CSMD1: variants seen among roughly 807,000 people sequenced by gnomAD.
The protein encoded by CSMD1 is CUB and Sushi multiple domains 1, also known as CUB and sushi domain-containing protein 1.
Under a neutral mutation model 417.5 loss-of-function variants are expected in CSMD1, and 213 were observed. The observed-to-expected ratio is 0.51, with a 90% CI of 0.46 to 0.57. CSMD1 has a LOEUF of 0.57. Among genes scored for constraint, CSMD1 ranks in the 20% least tolerant of loss-of-function variants. CSMD1 has a pLI of 0.00. For missense variants in CSMD1, 6,923 were observed against 4,529.7 expected, an observed-to-expected ratio of 1.53 and a Z score of -15.17; for synonymous variants, 2,862 against 1,736.8, an observed-to-expected ratio of 1.65 and a Z score of -16.11.
intron 3 of CSMD1, among the ~76,000 whole-genome samples, chr8:4,082,571 T>C (rs1021928584): frequency 7.2e-5 from 11 of 152,052 alleles, no homozygotes; most frequent in African/African-American, 2.2e-4. Context: ...CCCCGCTTCA[T>C]TATGAGCCTA....
At chr8:4,515,458 T>C (rs1276865958) in intron 2 of CSMD1, among the ~76,000 whole-genome samples, 1 of 152,164 alleles carries the variant, frequency 6.6e-6, no homozygotes, top group African/African-American at 2.4e-5. Flanking sequence ...AGTTAATATC[T>C]GATCTGGATT....
chr8:3,699,133 G>A (rs1269362639), intron 7 of CSMD1, among the ~76,000 whole-genome samples: 1 of 152,216 alleles, frequency 6.6e-6, no homozygotes, highest in Non-Finnish European at 1.5e-5. Flanking sequence ...CATTGACTCA[G>A]TAACAAATGA....
At chr8:4,027,273 G>A (rs2688358) in intron 4 of CSMD1, among the ~76,000 whole-genome samples, 115,546 of 152,066 alleles carry the variant, frequency 0.76, 44,126 homozygotes, top group East Asian at 0.98. Context: ...TTAGGATGAA[G>A]ATGGATGTTA....
chr8:4,958,800 A>G (rs1326699295), intron 1 of CSMD1, among the ~76,000 whole-genome samples: 1 of 152,212 alleles, frequency 6.6e-6, no homozygotes, highest in Non-Finnish European at 1.5e-5. Context: ...GCTTTCATGA[A>G]GAAAATATAT....
At chr8:4,712,002 T>C (rs1295535492) in intron 1 of CSMD1, among the ~76,000 whole-genome samples, 1 of 152,158 alleles carries the variant, frequency 6.6e-6, no homozygotes, top group East Asian at 1.9e-4. Context: ...ATATGTGGCT[T>C]CCTAAGAGTC....
intron 4 of CSMD1, among the ~76,000 whole-genome samples, chr8:4,010,030 T>G (rs1044313123): frequency 2.0e-5 from 3 of 152,208 alleles, no homozygotes; most frequent in African/African-American, 7.2e-5. Context: ...TGTCTCCTAC[T>G]ACTTCCTCGA....
intron 48 of CSMD1, 91 bp downstream of exon 48, chr8:3,091,425 A>C: frequency 1.1e-6 from 1 of 924,394 alleles, no homozygotes. Context: ...AATTAGGATT[A>C]TACTATAAAT....
At chr8:4,145,912 C>A (rs1446609860) in intron 3 of CSMD1, among the ~76,000 whole-genome samples, 1 of 151,010 alleles carries the variant, frequency 6.6e-6, no homozygotes, top group Admixed American at 6.6e-5. Flanking sequence ...TCCCTTGGCA[C>A]ATGATTGGCC....
chr8:4,174,131 G>T (rs73658434), intron 3 of CSMD1, among the ~76,000 whole-genome samples: 2 of 152,108 alleles, frequency 1.3e-5, no homozygotes, highest in Non-Finnish European at 2.9e-5. Context: ...CCTGGAAAGG[G>T]AGGGTCACCC....
chr8:4,419,912 T>C (rs1201557134), intron 3 of CSMD1, 41 bp downstream of exon 3: 1 of 1,269,852 alleles, frequency 7.9e-7, no homozygotes. Context: ...TTAGATCATT[T>C]GGACAGTGAA....
intron 1 of CSMD1, among the ~76,000 whole-genome samples, chr8:4,714,387 A>C (rs569012942): frequency 1.3e-5 from 2 of 152,348 alleles, no homozygotes; most frequent in South Asian, 4.1e-4. Flanking sequence ...AGAAATTAAA[A>C]AATGTGCATC....
At chr8:3,427,285 A>C (rs2117004939) in intron 12 of CSMD1, among the ~76,000 whole-genome samples, 1 of 152,364 alleles carries the variant, frequency 6.6e-6, no homozygotes, top group East Asian at 1.9e-4. Flanking sequence ...GCAAACCACA[A>C]AATGACACAA....
chr8:2,971,117 C>T (rs1182247658), intron 57 of CSMD1, among the ~76,000 whole-genome samples: 1 of 152,142 alleles, frequency 6.6e-6, no homozygotes, highest in Admixed American at 6.5e-5. Flanking sequence ...AACCATAATA[C>T]AATTATTAAA....
intron 1 of CSMD1, among the ~76,000 whole-genome samples, chr8:4,943,554 C>G (rs1808168124): frequency 6.6e-6 from 1 of 151,884 alleles, no homozygotes; most frequent in Non-Finnish European, 1.5e-5. Flanking sequence ...CATCACCTCT[C>G]TGTAACCAAT....
chr8:4,927,550 A>G (rs1806953570), intron 1 of CSMD1, among the ~76,000 whole-genome samples: 1 of 152,100 alleles, frequency 6.6e-6, no homozygotes, highest in Non-Finnish European at 1.5e-5. Context: ...AAGGGGCAAC[A>G]ACTAGCATGT....
At chr8:4,970,669 G>C (rs73497712) in intron 1 of CSMD1, among the ~76,000 whole-genome samples, 5,601 of 152,074 alleles carry the variant, frequency 0.037, 296 homozygotes, top group African/African-American at 0.12. Flanking sequence ...TAAATAAAAA[G>C]TTATAAATAA....
chr8:3,349,964 A>G (rs1808297151), intron 21 of CSMD1, among the ~76,000 whole-genome samples: 2 of 145,720 alleles, frequency 1.4e-5, no homozygotes, highest in African/African-American at 2.5e-5. Context: ...GTGTGTTATA[A>G]TACCTATAAT....
At chr8:4,713,081 C>T (rs1324480327) in intron 1 of CSMD1, among the ~76,000 whole-genome samples, 1 of 152,202 alleles carries the variant, frequency 6.6e-6, no homozygotes, top group Admixed American at 6.5e-5. Flanking sequence ...CCCGCTGCAC[C>T]TCAAATCCCC....
intron 3 of CSMD1, among the ~76,000 whole-genome samples, chr8:4,399,098 T>C (rs1804466352): frequency 6.6e-6 from 1 of 152,206 alleles, no homozygotes; most frequent in Non-Finnish European, 1.5e-5. Flanking sequence ...GCCATGTAAA[T>C]GCTTAGAGCT....
Sources: allele counts gnomAD v4.1 joint callset (sites outside exome capture counted in the v4.1 genomes callset), GRCh38; gene constraint gnomAD v4.1.1; transcripts MANE v1.5; gene names NCBI Gene and HGNC (gene_info 2026-07-23, HGNC 2026-07-21).